Variants in DNAAF4 observed in about 807,000 individuals in gnomAD.
The protein encoded by DNAAF4 is dynein axonemal assembly factor 4.
In DNAAF4, 43 loss-of-function variants were observed where a neutral mutation model predicts 51.8. The ratio of observed to expected loss-of-function variants is 0.83; its 90% CI spans 0.65 to 1.07. The LOEUF is 1.07. DNAAF4 is among the 50% of genes least tolerant of loss of function. The probability of loss-of-function intolerance (pLI) is 0.00; values close to 1 mark genes in which losing one functional copy is unlikely to be tolerated. For missense variants in DNAAF4, 581 were observed against 493.0 expected (o/e 1.18, Z -1.69); for synonymous variants, 194 against 165.6 (o/e 1.17, Z -1.32).
downstream of DNAAF4, among the ~76,000 whole-genome samples, chr15:55,429,774 G>A (rs778211650): frequency 3.0e-4 from 45 of 150,468 alleles, no homozygotes; most frequent in Non-Finnish European, 5.5e-4. Context: ...CCAAGATCGC[G>A]CCATTGCACT....
downstream of DNAAF4, among the ~76,000 whole-genome samples, chr15:55,427,076 TTG>T (rs1224025530): frequency 6.6e-6 from 1 of 152,024 alleles, no homozygotes; most frequent in Non-Finnish European, 1.5e-5. Flanking sequence ...TTTTGTTTGT[TTG>T]TTTGTTTTGA....
downstream of DNAAF4, among the ~76,000 whole-genome samples, chr15:55,427,061 T>G (rs113267834): frequency 0.044 from 6,215 of 140,340 alleles, 417 homozygotes; most frequent in African/African-American, 0.19. Flanking sequence ...AGTTTTTTTG[T>G]TTTTTTTTGT....
chr15:55,447,886 A>G (rs541257684), intron 6 of DNAAF4, among the ~76,000 whole-genome samples: 4 of 148,102 alleles, frequency 2.7e-5, no homozygotes, highest in African/African-American at 1.0e-4. Flanking sequence ...GGGAGAGGGG[A>G]GCCCCTTTAT....
chr15:55,465,892 G>A (rs755130778), intron 5 of DNAAF4, among the ~76,000 whole-genome samples: 1 of 152,100 alleles, frequency 6.6e-6, no homozygotes, highest in Non-Finnish European at 1.5e-5. Flanking sequence ...AATGGGAGCT[G>A]AGCTATGAGG....
intron 5 of DNAAF4, among the ~76,000 whole-genome samples, chr15:55,460,764 A>G (rs924148279): frequency 6.6e-6 from 1 of 150,488 alleles, no homozygotes; most frequent in Non-Finnish European, 1.5e-5. Context: ...ACAAGTCTCA[A>G]TAATTTTTTT....
At chr15:55,503,872 G>T (rs1203419952) in intron 1 of DNAAF4, among the ~76,000 whole-genome samples, 2 of 152,138 alleles carry the variant, frequency 1.3e-5, no homozygotes, top group Non-Finnish European at 2.9e-5. Context: ...CACAAGACAA[G>T]GATGCCCTCT....
intron 3 of DNAAF4, among the ~76,000 whole-genome samples, chr15:55,495,475 C>T (rs776251780): frequency 2.0e-5 from 3 of 152,154 alleles, no homozygotes; most frequent in African/African-American, 4.8e-5. Flanking sequence ...CAGTGGCTCA[C>T]GCCTGAAATC....
intron 4 of DNAAF4, among the ~76,000 whole-genome samples, chr15:55,468,185 G>A (rs777201810): frequency 3.3e-5 from 5 of 152,106 alleles, no homozygotes; most frequent in Non-Finnish European, 5.9e-5. Context: ...TCTAGACTAT[G>A]GATATGCTAG....
intron 6 of DNAAF4, 26 bp downstream of exon 6, chr15:55,450,196 A>G: frequency 5.1e-6 from 8 of 1,560,082 alleles, no homozygotes; most frequent in Non-Finnish European, 6.9e-6. Context: ...ATTTGTGGTA[A>G]TTGTAACTAG....
chr15:55,434,888 T>C lies in DNAAF4; in HGVS notation c.1047+17A>G, dbSNP rs2057582953. Reference sequence around the variant, plus strand: ...GATATATTTAAAGCACCATATATCATACATAGATATCCATACCTTAGAAGA... The same window carrying C: ...GATATATTTAAAGCACCATATATCACACATAGATATCCATACCTTAGAAGA... On this transcript the variant is annotated intron_variant, in intron 8 of 9. Coordinates refer to ENST00000321149, the MANE Select transcript of DNAAF4 (RefSeq NM_130810.4). 6.3e-7 allele frequency: 1 copy of C among 1,587,326 alleles called. No homozygotes were observed. Among genetic ancestry groups the C allele is most frequent in the South Asian group, 1.2e-5 (1 of 86,210 alleles).
At chr15:55,444,850 C>T (rs1231820768) in intron 6 of DNAAF4, among the ~76,000 whole-genome samples, 1 of 151,920 alleles carries the variant, frequency 6.6e-6, no homozygotes, top group Non-Finnish European at 1.5e-5. Context: ...CTCTGTTTGT[C>T]TGTTATTGGT....
At chr15:55,485,218 G>A (rs1055756456) in intron 4 of DNAAF4, among the ~76,000 whole-genome samples, 1 of 152,186 alleles carries the variant, frequency 6.6e-6, no homozygotes, top group African/African-American at 2.4e-5. Context: ...TGTAAAAGTG[G>A]AAGACAGGCT....
intron 4 of DNAAF4, among the ~76,000 whole-genome samples, chr15:55,488,779 T>G (rs556352736): frequency 6.6e-6 from 1 of 152,248 alleles, no homozygotes; most frequent in East Asian, 1.9e-4. Flanking sequence ...AAAGTCAAGC[T>G]TTCATACATT....
At chr15:55,448,237 AG>A (rs2057869661) in intron 6 of DNAAF4, among the ~76,000 whole-genome samples, 1 of 152,128 alleles carries the variant, frequency 6.6e-6, no homozygotes, top group South Asian at 2.1e-4. Flanking sequence ...ATGTTGAACC[AG>A]CCTTGCATCC....
intron 4 of DNAAF4, among the ~76,000 whole-genome samples, chr15:55,479,585 TG>T (rs535022513): frequency 1.3e-3 from 195 of 152,136 alleles, no homozygotes; most frequent in Non-Finnish European, 2.1e-3. Context: ...TGACTGTCTG[TG>T]GGGTCAGGCA....
Position 55,498,390 on chromosome 15 carries a change from G to C in DNAAF4, c.-61C>G. On this transcript the variant is annotated 5_prime_UTR_variant, in exon 2 of 10. Transcript: ENST00000321149. The stretch of plus-strand genomic sequence containing the variant: ...GCTTCTTGCGCCTGCTTGGTTGCTA[G>C]GGAAGCTGGGGTTACCATGCGCCAG... 2 of 1,564,472 alleles carry C rather than the reference G, an allele frequency of 1.3e-6. No individual in the cohort carries two copies. The highest frequency in any genetic ancestry group is 1.7e-6 in the Non-Finnish European group (2 of 1,152,592).
intron 6 of DNAAF4, among the ~76,000 whole-genome samples, chr15:55,440,346 T>C (rs539654622): frequency 1.3e-3 from 190 of 146,664 alleles, no homozygotes; most frequent in African/African-American, 4.6e-3. Context: ...CCACCACGCC[T>C]GGCCAATGAT....
downstream of DNAAF4, among the ~76,000 whole-genome samples, chr15:55,428,151 AC>A (rs1407571834): frequency 6.8e-6 from 1 of 148,046 alleles, no homozygotes; most frequent in African/African-American, 2.5e-5. Context: ...ACAGGGTTTC[AC>A]CATGTTGGCC....
chr15:55,437,597 T>TA (rs1482704523), intron 7 of DNAAF4, among the ~76,000 whole-genome samples: 1 of 152,234 alleles, frequency 6.6e-6, no homozygotes, highest in Admixed American at 6.5e-5. Flanking sequence ...GTGAATAAGT[T>TA]AAAGAGTTTG....
Sources: allele counts gnomAD v4.1 joint callset (sites outside exome capture counted in the v4.1 genomes callset), GRCh38; gene constraint gnomAD v4.1.1; transcripts MANE v1.5; gene names NCBI Gene and HGNC (gene_info 2026-07-23, HGNC 2026-07-21).